The following ANKS1B variants were observed in gnomAD, a reference collection of about 807,000 sequenced individuals.
ANKS1B encodes ankyrin repeat and sterile alpha motif domain-containing protein 1B.
ANKS1B carries 36 observed loss-of-function variants against 148.3 expected under a neutral mutation model. The observed-to-expected ratio is 0.24, with a 90% CI of 0.19 to 0.32. ANKS1B has a LOEUF of 0.32. Among genes scored for constraint, ANKS1B ranks in the 10% least tolerant of loss-of-function variants. ANKS1B has a pLI of 1.00. For missense variants in ANKS1B, 1,157 were observed against 1,542.6 expected (o/e 0.75, Z 4.19); for synonymous variants, 542 against 560.8 (o/e 0.97, Z 0.47).
chr12:98,748,528 C>A (rs1193345984), intron 26 of ANKS1B, among the ~76,000 whole-genome samples: 1 of 152,138 alleles, frequency 6.6e-6, no homozygotes, highest in African/African-American at 2.4e-5. Context: ...TGTGGGAAGG[C>A]CTCTCCCATT....
intron 10 of ANKS1B, among the ~76,000 whole-genome samples, chr12:99,484,034 T>C (rs1401222324): frequency 6.6e-6 from 1 of 152,008 alleles, no homozygotes; most frequent in Non-Finnish European, 1.5e-5. Context: ...TTTCTTCTGC[T>C]AGCTTTGGGT....
intron 7 of ANKS1B, among the ~76,000 whole-genome samples, chr12:99,774,775 G>A (rs1042659831): frequency 1.3e-5 from 2 of 151,984 alleles, no homozygotes; most frequent in African/African-American, 4.8e-5. Context: ...TGCAATGTGT[G>A]TATACATTTA....
At chr12:98,757,053 GAA>G (rs202183472) in intron 25 of ANKS1B, among the ~76,000 whole-genome samples, 4 of 145,812 alleles carry the variant, frequency 2.7e-5, no homozygotes, top group East Asian at 2.0e-4. Context: ...AAAAAAAAAG[GAA>G]AAAAAAAAAA....
chr12:99,560,183 T>C (rs1270147392), intron 9 of ANKS1B, among the ~76,000 whole-genome samples: 1 of 148,244 alleles, frequency 6.7e-6, no homozygotes, highest in Non-Finnish European at 1.5e-5. Flanking sequence ...TGATCTCTAA[T>C]TGACTGTAAA....
chr12:99,145,578 T>C (rs1174062845), intron 15 of ANKS1B, among the ~76,000 whole-genome samples: 1 of 152,058 alleles, frequency 6.6e-6, no homozygotes, highest in African/African-American at 2.4e-5. Context: ...TCTGGTCTGG[T>C]TAAAGCAGAC....
chr12:99,373,386 G>A lies in ANKS1B; in HGVS notation c.1756+26245C>T, dbSNP rs1593340410. On this transcript the variant is annotated intron_variant, in intron 12 of 26. Transcript: ENST00000683438. ...TGGTGGACATCTTTTGTTTTTGCTT[G>A]ACTAGAATCCTCCTTCATTAGTAAC... Among the ~76,000 whole-genome samples, 4 of 152,134 alleles carry A rather than the reference G, an allele frequency of 2.6e-5. No homozygotes were observed. In the South Asian group the frequency reaches 8.3e-4, roughly 32 times the overall value.
intron 17 of ANKS1B, among the ~76,000 whole-genome samples, chr12:98,964,098 C>CAA (rs111718060): frequency 1.1e-4 from 16 of 141,718 alleles, no homozygotes; most frequent in African/African-American, 3.6e-4. Flanking sequence ...AACTCCGCCT[C>CAA]AAAAAAAAAA....
At chr12:99,641,691 C>T (rs1322479414) in intron 9 of ANKS1B, among the ~76,000 whole-genome samples, 6 of 152,012 alleles carry the variant, frequency 3.9e-5, no homozygotes, top group African/African-American at 1.5e-4. Flanking sequence ...AACATGATAA[C>T]CAATATCATT....
intron 11 of ANKS1B, among the ~76,000 whole-genome samples, chr12:99,401,376 T>C (rs2152594151): frequency 6.8e-6 from 1 of 146,554 alleles, no homozygotes; most frequent in Admixed American, 6.8e-5. Flanking sequence ...TTTATTGTGT[T>C]GTGTTTTTGT....
At chr12:99,437,523 T>C (rs1349245589) in intron 11 of ANKS1B, among the ~76,000 whole-genome samples, 1 of 151,856 alleles carries the variant, frequency 6.6e-6, no homozygotes, top group African/African-American at 2.4e-5. Flanking sequence ...CTGCCCGTGG[T>C]CACTTCTCAA....
At chr12:98,806,820 C>A (rs961803522) in intron 20 of ANKS1B, among the ~76,000 whole-genome samples, 4 of 152,200 alleles carry the variant, frequency 2.6e-5, no homozygotes, top group Non-Finnish European at 2.9e-5. Flanking sequence ...CTTACGAACA[C>A]ATAAAAGCTC....
At chr12:99,675,236 GAATA>G (rs1223317996) in intron 8 of ANKS1B, among the ~76,000 whole-genome samples, 2 of 151,768 alleles carry the variant, frequency 1.3e-5, no homozygotes, top group African/African-American at 4.8e-5. Context: ...TATACTAAGA[GAATA>G]AATGTTATAT....
chr12:98,958,508 C>T (rs548594129), intron 17 of ANKS1B, among the ~76,000 whole-genome samples: 2 of 152,260 alleles, frequency 1.3e-5, no homozygotes, highest in South Asian at 4.1e-4. Context: ...CAAATTGGTA[C>T]AGTAGGATGA....
At chr12:99,469,422 C>T (rs2096199274) in intron 10 of ANKS1B, among the ~76,000 whole-genome samples, 1 of 151,856 alleles carries the variant, frequency 6.6e-6, no homozygotes, top group Non-Finnish European at 1.5e-5. Context: ...CACACGTACC[C>T]TAAAACTTAA....
intron 12 of ANKS1B, among the ~76,000 whole-genome samples, chr12:99,272,495 C>G (rs1454804270): frequency 6.6e-6 from 1 of 152,102 alleles, no homozygotes; most frequent in African/African-American, 2.4e-5. Context: ...AGACTTGAAG[C>G]GTCCAGGAGA....
intron 17 of ANKS1B, among the ~76,000 whole-genome samples, chr12:99,031,479 G>A (rs988742335): frequency 2.6e-5 from 4 of 152,274 alleles, no homozygotes; most frequent in Admixed American, 1.3e-4. Context: ...CACTTTCCCA[G>A]TCTCCTGCAA....
At chr12:99,763,673 A>G (rs573323516) in intron 8 of ANKS1B, among the ~76,000 whole-genome samples, 1 of 152,196 alleles carries the variant, frequency 6.6e-6, no homozygotes, top group South Asian at 2.1e-4. Flanking sequence ...CTGGAAAAAA[A>G]AAAACAAAAT....
At chr12:99,462,314 A>T (rs2095992320) in intron 10 of ANKS1B, among the ~76,000 whole-genome samples, 1 of 152,190 alleles carries the variant, frequency 6.6e-6, no homozygotes, top group Non-Finnish European at 1.5e-5. Context: ...TCAGGTCAAC[A>T]CAAGTGTATA....
chr12:99,731,913 T>C (rs560426730), intron 8 of ANKS1B, among the ~76,000 whole-genome samples: 22 of 152,200 alleles, frequency 1.4e-4, no homozygotes, highest in African/African-American at 4.8e-4. Context: ...AAACCAGAAA[T>C]CTGATGAAGA....
Sources: gnomAD v4.1 joint callset for allele counts (sites outside exome capture counted in the v4.1 genomes callset) on GRCh38, gnomAD v4.1.1 for gene constraint, MANE v1.5 for transcripts, NCBI Gene and HGNC (gene_info 2026-07-23, HGNC 2026-07-21) for gene names.